Variants in EEPD1 observed in about 807,000 individuals in gnomAD.
EEPD1 encodes the protein endonuclease/exonuclease/phosphatase family domain containing 1.
EEPD1 carries 17 observed loss-of-function variants against 46.3 expected under a neutral mutation model. That is an observed-to-expected ratio of 0.37 (90% CI 0.25 to 0.55). EEPD1 has a LOEUF of 0.55. Among genes scored for constraint, EEPD1 ranks in the 20% least tolerant of loss-of-function variants. The probability of loss-of-function intolerance (pLI) is 0.83; values close to 1 mark genes in which losing one functional copy is unlikely to be tolerated. For synonymous variants in EEPD1, 313 were observed against 315.6 expected, an observed-to-expected ratio of 0.99 and a Z score of 0.09; for missense variants, 673 against 745.6, an observed-to-expected ratio of 0.90 and a Z score of 1.13.
chr7:36,198,337 G>GAAAAGAAAAAAAAAAAAAAAAA (rs1583803407), intron 2 of EEPD1, among the ~76,000 whole-genome samples: 2 of 21,120 alleles, frequency 9.5e-5, no homozygotes, highest in African/African-American at 2.0e-4. Context: ...AAAAAAAAAA[G>GAAAAGAAAAAAAAAAAAAAAAA]AAAAGAAAAA....
At chr7:36,163,641 A>C (rs967268812) in intron 2 of EEPD1, among the ~76,000 whole-genome samples, 1 of 152,184 alleles carries the variant, frequency 6.6e-6, no homozygotes, top group Non-Finnish European at 1.5e-5. Flanking sequence ...GCACTTTGGG[A>C]GGCCGAGGCG....
At chr7:36,178,271 A>G (rs1785217485) in intron 2 of EEPD1, among the ~76,000 whole-genome samples, 1 of 152,212 alleles carries the variant, frequency 6.6e-6, no homozygotes, top group Non-Finnish European at 1.5e-5. Flanking sequence ...CAGCCTGGCC[A>G]AGGCCAGGTC....
At chr7:36,238,126 C>T (rs1786490463) in intron 2 of EEPD1, among the ~76,000 whole-genome samples, 1 of 152,154 alleles carries the variant, frequency 6.6e-6, no homozygotes, top group Non-Finnish European at 1.5e-5. Flanking sequence ...CACCTGTAAA[C>T]TGTCATGGTG....
At chr7:36,213,879 G>T (rs1785981352) in intron 2 of EEPD1, among the ~76,000 whole-genome samples, 1 of 152,142 alleles carries the variant, frequency 6.6e-6, no homozygotes, top group Non-Finnish European at 1.5e-5. Context: ...CATCACTGTT[G>T]TCTACAGCAG....
chr7:36,218,568 G>A (rs534202362), intron 2 of EEPD1, among the ~76,000 whole-genome samples: 24 of 152,284 alleles, frequency 1.6e-4, no homozygotes, highest in African/African-American at 5.1e-4. Flanking sequence ...AGATGAAGAC[G>A]CTGAGCAAAG....
At chr7:36,281,270 T>C in intron 4 of EEPD1, 45 bp downstream of exon 4, 1 of 1,545,452 alleles carries the variant, frequency 6.5e-7, no homozygotes, top group Non-Finnish European at 8.9e-7. Flanking sequence ...ATTTAATTTA[T>C]ACATACTTTT....
chr7:36,243,310 T>G (rs1281892129), intron 3 of EEPD1, among the ~76,000 whole-genome samples: 2 of 28,956 alleles, frequency 6.9e-5, no homozygotes, highest in Non-Finnish European at 2.6e-4. Context: ...TAAGCCTGGT[T>G]TTTTTTTTTT....
chr7:36,301,523 C>G lies in EEPD1; in HGVS notation c.*2317C>G, dbSNP rs1787622456. 1 of 152,180 alleles carries G rather than the reference C, an allele frequency of 6.6e-6. No homozygotes were observed. The highest frequency in any genetic ancestry group is 6.5e-5 in the Admixed American group (1 of 15,278). 9.4% of individuals were successfully genotyped at this position (152,180 alleles called of 1,614,324 possible). A position where few individuals can be genotyped will look rare whatever the true frequency, so the allele number is the denominator to read the frequency against. On this transcript the variant is annotated 3_prime_UTR_variant, in exon 8 of 8. Coordinates refer to ENST00000242108, the MANE Select transcript of EEPD1 (RefSeq NM_030636.3). ...TGTTCATAGTTTATATTAAAGTTCA[C>G]TCTTTGTGTTGTGCATCCTATGGGT...
At chr7:36,250,429 A>C (rs995236826) in intron 3 of EEPD1, among the ~76,000 whole-genome samples, 1 of 152,210 alleles carries the variant, frequency 6.6e-6, no homozygotes, top group Non-Finnish European at 1.5e-5. Context: ...TGAGTGGCCC[A>C]GAATCCTGCA....
chr7:36,235,580 T>C (rs1005101019), intron 2 of EEPD1, among the ~76,000 whole-genome samples: 5 of 152,250 alleles, frequency 3.3e-5, no homozygotes, highest in African/African-American at 1.2e-4. Context: ...GGACTGGCTG[T>C]GAGTGCCTTC....
chr7:36,286,010 G>A (rs1240169089), intron 5 of EEPD1, among the ~76,000 whole-genome samples: 2 of 152,108 alleles, frequency 1.3e-5, no homozygotes, highest in African/African-American at 4.8e-5. Context: ...AGTCAGCCAG[G>A]TATCACCTTT....
chr7:36,206,434 T>C (rs1199776481), intron 2 of EEPD1, among the ~76,000 whole-genome samples: 2 of 152,198 alleles, frequency 1.3e-5, no homozygotes, highest in African/African-American at 4.8e-5. Context: ...TACATTCTTT[T>C]TGTGTACTCT....
chr7:36,157,205 C>T (rs1263550058), intron 2 of EEPD1, among the ~76,000 whole-genome samples: 1 of 152,136 alleles, frequency 6.6e-6, no homozygotes, highest in Non-Finnish European at 1.5e-5. Flanking sequence ...CACAGGGGCT[C>T]CTGGAATCAA....
chr7:36,231,586 G>A (rs1583822933), intron 2 of EEPD1, among the ~76,000 whole-genome samples: 1 of 152,134 alleles, frequency 6.6e-6, no homozygotes, highest in African/African-American at 2.4e-5. Context: ...TCGGGCATAC[G>A]CTGAAGCAGC....
intron 7 of EEPD1, 58 bp downstream of exon 7, chr7:36,297,245 T>A: frequency 1.3e-6 from 2 of 1,577,250 alleles, no homozygotes; most frequent in Non-Finnish European, 1.7e-6. Flanking sequence ...GAGAAACATG[T>A]CTGAACTGAC....
intron 2 of EEPD1, among the ~76,000 whole-genome samples, chr7:36,196,656 T>C (rs62445401): frequency 0.78 from 118,250 of 152,240 alleles, 46,352 homozygotes; most frequent in East Asian, 0.88. Flanking sequence ...GCGAGTGATC[T>C]GCCAGCCTCG....
At chr7:36,223,124 C>G (rs1482621791) in intron 2 of EEPD1, among the ~76,000 whole-genome samples, 2 of 151,662 alleles carry the variant, frequency 1.3e-5, no homozygotes, top group African/African-American at 4.9e-5. Context: ...GCACTCCAAC[C>G]TGGGCGACAG....
At chr7:36,293,556 T>G (rs1787480762) in intron 6 of EEPD1, among the ~76,000 whole-genome samples, 1 of 152,172 alleles carries the variant, frequency 6.6e-6, no homozygotes, top group Non-Finnish European at 1.5e-5. Flanking sequence ...TTTGTAGAGC[T>G]CCCCGGCTCC....
chr7:36,194,035 G>A (rs963493136), intron 2 of EEPD1, among the ~76,000 whole-genome samples: 6 of 152,160 alleles, frequency 3.9e-5, no homozygotes, highest in African/African-American at 7.2e-5. Context: ...CATATTTTGC[G>A]TTCTTTTCAT....
Sources: gnomAD v4.1 joint callset for allele counts (sites outside exome capture counted in the v4.1 genomes callset) on GRCh38, gnomAD v4.1.1 for gene constraint, MANE v1.5 for transcripts, NCBI Gene and HGNC (gene_info 2026-07-23, HGNC 2026-07-21) for gene names.